The following C11orf65 variants were observed in gnomAD, a reference collection of about 807,000 sequenced individuals.
The protein encoded by C11orf65 is protein MFI.
In C11orf65, 38 loss-of-function variants were observed where a neutral mutation model predicts 35.3. That is an observed-to-expected ratio of 1.08 (90% CI 0.83 to 1.41). C11orf65 has a LOEUF of 1.41. C11orf65 is among the 40% of genes most tolerant of loss of function. The pLI, the probability that C11orf65 is intolerant of heterozygous loss-of-function variation, is 0.00. For missense variants in C11orf65, 370 were observed against 367.1 expected, an observed-to-expected ratio of 1.01 and a Z score of -0.06; for synonymous variants, 105 against 114.4, an observed-to-expected ratio of 0.92 and a Z score of 0.53.
chr11:108,403,408 G>GGTTT (rs2092475257), intron 6 of C11orf65, among the ~76,000 whole-genome samples: 1 of 70,956 alleles, frequency 1.4e-5, no homozygotes, highest in Non-Finnish European at 3.0e-5. Flanking sequence ...TTGTTTGAGA[G>GGTTT]GTTTTTTTTT....
At chr11:108,464,492 G>A (rs2093510622) in intron 1 of C11orf65, among the ~76,000 whole-genome samples, 1 of 152,104 alleles carries the variant, frequency 6.6e-6, no homozygotes, top group Admixed American at 6.6e-5. Flanking sequence ...CTCCCAAGTA[G>A]CTGGCACTAC....
Position 108,405,300 on chromosome 11 carries a change from G to A in C11orf65, c.560+129C>T, listed in dbSNP as rs115494135. The A allele has an allele frequency of 6.4e-3, 5,553 of 873,700 alleles. 171 individuals carry two copies. The African/African-American group carries it at 0.071, about 11-fold the overall frequency. The allele number at this position is 873,700 out of a possible 1,614,324, so 54.1% of individuals were successfully genotyped here. A position where few individuals can be genotyped will look rare whatever the true frequency, so the allele number is the denominator to read the frequency against. ...TCAGTGTGCGTTTTATTCATCTGTC[G>A]TTTGGGTCAGGGTCTGCGGGCAGAC... On this transcript the variant is annotated intron_variant, in intron 6 of 8. Coordinates refer to ENST00000393084, the MANE Select transcript of C11orf65 (RefSeq NM_152587.5).
intron 2 of C11orf65, among the ~76,000 whole-genome samples, chr11:108,454,800 TTTTG>T (rs1472769917): frequency 2.0e-5 from 3 of 152,162 alleles, no homozygotes; most frequent in African/African-American, 4.8e-5. Flanking sequence ...GATTTGCCAA[TTTTG>T]TTTATCTTTT....
At chr11:108,341,887 A>C (rs1481920362) in intron 2 of C11orf65, among the ~76,000 whole-genome samples, 1 of 152,212 alleles carries the variant, frequency 6.6e-6, no homozygotes, top group Non-Finnish European at 1.5e-5. Context: ...AAATCGGTAC[A>C]GTCACTTTGA....
At chr11:108,326,471 T>C (rs191071125), downstream of C11orf65, among the ~76,000 whole-genome samples, 9 of 152,302 alleles carry the variant, frequency 5.9e-5, no homozygotes, top group Non-Finnish European at 7.3e-5. Flanking sequence ...ATTAAGCCTT[T>C]AACTTCCTAT....
At chr11:108,402,987 GC>G (rs2138592714) in intron 6 of C11orf65, among the ~76,000 whole-genome samples, 1 of 152,274 alleles carries the variant, frequency 6.6e-6, no homozygotes, top group East Asian at 1.9e-4. Context: ...ACCTGCTGAT[GC>G]AAATTTGTGC....
chr11:108,335,117 T>C lies in C11orf65; in HGVS notation c.299+103A>G, dbSNP rs768069197. 5 of 1,613,852 alleles carry C rather than the reference T, an allele frequency of 3.1e-6. No individual in the cohort carries two copies. The African/African-American group carries it at 6.7e-5, about 22-fold the overall frequency. On this transcript the variant is annotated intron_variant, in intron 3 of 3. Coordinates refer to the C11orf65 transcript ENST00000524755. ...AGGAGACAGCTTGTTAAGGTGAGCC[T>C]TCCCTTCTCTGGCTTAGCCCTTAGA...
chr11:108,341,506 G>A lies in C11orf65; in HGVS notation c.227-6214C>T, dbSNP rs1263837557. The stretch of plus-strand genomic sequence containing the variant: ...TGTTCTCAGTGCCCTAGCCCTGTGT[G>A]TAACATGTAATACGCCCCCAACAAA... On this transcript the variant is annotated intron_variant, in intron 2 of 3. Transcript: ENST00000524755. 3.3e-5 allele frequency among the ~76,000 whole-genome samples: 5 copies of A among 152,162 alleles called. No homozygotes were observed. The East Asian group carries it at 9.7e-4, about 29-fold the overall frequency.
intron 2 of C11orf65, among the ~76,000 whole-genome samples, chr11:108,358,165 C>T (rs929261333): frequency 1.8e-4 from 27 of 151,242 alleles, no homozygotes; most frequent in South Asian, 8.4e-4. Context: ...CCTCAGGAGC[C>T]GATGCGATCA....
At chr11:108,360,429 C>T (rs2090587132) in intron 2 of C11orf65, among the ~76,000 whole-genome samples, 1 of 139,058 alleles carries the variant, frequency 7.2e-6, no homozygotes, top group Non-Finnish European at 1.6e-5. Context: ...AGAGGGAATC[C>T]TCCCTAACTC....
chr11:108,337,566 G>C (rs1285224624), intron 2 of C11orf65, among the ~76,000 whole-genome samples: 1 of 152,180 alleles, frequency 6.6e-6, no homozygotes, highest in Non-Finnish European at 1.5e-5. Context: ...TTTCTAGCAA[G>C]ATACCAGTTA....
chr11:108,359,670 A>T (rs2090469131), intron 2 of C11orf65, among the ~76,000 whole-genome samples: 1 of 152,220 alleles, frequency 6.6e-6, no homozygotes, highest in African/African-American at 2.4e-5. Context: ...CTACATGGAA[A>T]CCAAACAACC....
Position 108,325,423 on chromosome 11 carries a change from T to A in C11orf65, c.641-16352A>T, listed in dbSNP as rs1555119144. 1 of 1,613,788 alleles carries A rather than the reference T, an allele frequency of 6.2e-7. No individual in the cohort carries two copies. The highest frequency in any genetic ancestry group is 1.1e-5 in the South Asian group (1 of 91,072). On this transcript the variant is annotated intron_variant, in intron 6 of 6. Coordinates refer to the C11orf65 transcript ENST00000525729. ...GAGCCTATCATGGCTCTACGCACAG[T>A]CATTTTGGAGATCCTGATGGAAAAG... is the stretch of plus-strand genomic sequence containing the variant.
chr11:108,328,302 A>G (rs1271110834), downstream of C11orf65, among the ~76,000 whole-genome samples: 7 of 152,150 alleles, frequency 4.6e-5, no homozygotes, highest in African/African-American at 1.7e-4. Flanking sequence ...GCTGGAGTGC[A>G]GTGGCGCAAT....
Position 108,403,838 on chromosome 11 carries a change from G to A in C11orf65, c.560+1591C>T, listed in dbSNP as rs577372008. On this transcript the variant is annotated intron_variant, in intron 6 of 8. Coordinates refer to ENST00000393084, the MANE Select transcript of C11orf65 (RefSeq NM_152587.5). ...GTTTATTTATTTATTTTTTTGAGAC[G>A]GAGTCTCGCTCTGTCGCCCAGGCTG... Among the ~76,000 whole-genome samples the A allele has an allele frequency of 1.6e-4, 24 of 152,180 alleles. 1 individual carries two copies. The highest frequency in any genetic ancestry group is 3.9e-4 in the Admixed American group (6 of 15,294).
At chr11:108,429,352 T>C (rs942397236) in intron 3 of C11orf65, among the ~76,000 whole-genome samples, 9 of 152,184 alleles carry the variant, frequency 5.9e-5, no homozygotes, top group Admixed American at 1.3e-4. Context: ...TGAAGCTAGA[T>C]GATGGGTACA....
Position 108,312,422 on chromosome 11 carries a change from T to C in C11orf65, c.641-3351A>G, listed in dbSNP as rs780867575. 4.4e-6 allele frequency: 7 copies of C among 1,593,978 alleles called. No homozygotes were observed. Among genetic ancestry groups the C allele is most frequent in the Non-Finnish European group, 6.0e-6 (7 of 1,162,022 alleles). On this transcript the variant is annotated intron_variant, in intron 6 of 6. Coordinates refer to the C11orf65 transcript ENST00000525729. ...CTTGTGACAAACAGAAGTCTTGCAT[T>C]TGAAGAAGGAAGCCAGAGTACAACT...
At position 108,362,988 on chromosome 11, in the gene C11orf65, A is replaced by G. The variant is rs1044471410; in HGVS notation, c.227-27696T>C. On this transcript the variant is annotated intron_variant, in intron 2 of 3. Transcript: ENST00000524755. ...AAAAAAACAAACAACAAAACAAACA[A>G]ACAAAAAAAACACACCCTCCAATGC... is the stretch of plus-strand genomic sequence containing the variant. Among the ~76,000 whole-genome samples, 15 of 152,178 alleles carry G rather than the reference A, an allele frequency of 9.9e-5. No individual in the cohort carries two copies. The South Asian group carries it at 1.9e-3, about 19-fold the overall frequency.
intron 2 of C11orf65, chr11:108,367,429 T>C (rs932988979): frequency 5.0e-6 from 1 of 199,916 alleles, no homozygotes; most frequent in Non-Finnish European, 1.0e-5. Flanking sequence ...GTTTGATACA[T>C]AGGTAGAAGT....
Sources: allele counts gnomAD v4.1 joint callset (sites outside exome capture counted in the v4.1 genomes callset), GRCh38; gene constraint gnomAD v4.1.1; transcripts MANE v1.5; gene names NCBI Gene and HGNC (gene_info 2026-07-23, HGNC 2026-07-21).